The following NUDCD3 variants were observed in gnomAD, a reference collection of about 807,000 sequenced individuals.
The protein encoded by NUDCD3 is nudC domain-containing protein 3.
NUDCD3 carries 13 observed loss-of-function variants against 39.7 expected under a neutral mutation model. The observed-to-expected ratio is 0.33, with a 90% CI of 0.21 to 0.52. The LOEUF (loss-of-function observed/expected upper bound fraction) is 0.52, where lower values mean the gene tolerates loss of function less well. NUDCD3 is among the 20% of genes least tolerant of loss of function. The probability of loss-of-function intolerance (pLI) is 0.96; values close to 1 mark genes in which losing one functional copy is unlikely to be tolerated. For synonymous variants in NUDCD3, 175 were observed against 172.4 expected, an observed-to-expected ratio of 1.02 and a Z score of -0.12; for missense variants, 453 against 458.1, an observed-to-expected ratio of 0.99 and a Z score of 0.10.
At position 44,490,494 on chromosome 7, in the gene NUDCD3, C is replaced by T. The variant is rs1292351262; in HGVS notation, c.107G>A (p.Arg36His). The T allele has an allele frequency of 2.5e-6, 4 of 1,609,258 alleles. No homozygotes were observed. The African/African-American group carries it at 4.0e-5, about 16-fold the overall frequency. ...CAGCAAGCGATAGAAGTCTGTCTTG[C>T]GGTAGAGGAAGCCAAAGAGAACGCG... ...FLRVLFGFLY[R>H]KTDFYRLLRH... is the part of the protein sequence containing the mutation. The change falls in exon 1 of 6, where the codon CGC becomes CAC. Residue 36 changes from arginine (R) to histidine (H), a missense_variant. Arg to His is a conservative substitution (Grantham distance 29). Coordinates refer to ENST00000355451, the MANE Select transcript of NUDCD3 (RefSeq NM_015332.4).
chr7:44,467,811 C>A (rs1335934098), intron 2 of NUDCD3: 4 of 934,224 alleles, frequency 4.3e-6, no homozygotes, highest in East Asian at 2.4e-5. Context: ...AAAACTAAGA[C>A]CTCAGTAAAA....
chr7:44,462,737 T>G (rs1800040377), intron 2 of NUDCD3, among the ~76,000 whole-genome samples: 1 of 152,218 alleles, frequency 6.6e-6, no homozygotes, highest in South Asian at 2.1e-4. Flanking sequence ...CAGAAGCTGT[T>G]TAACATTCTT....
chr7:44,485,624 T>G (rs1800594280), intron 1 of NUDCD3: 1 of 190,930 alleles, frequency 5.2e-6, no homozygotes, highest in Non-Finnish European at 1.1e-5. Flanking sequence ...CTGGTACAAC[T>G]GTGGGTTATA....
At chr7:44,450,080 C>T (rs1457900736) in intron 2 of NUDCD3, among the ~76,000 whole-genome samples, 1 of 152,030 alleles carries the variant, frequency 6.6e-6, no homozygotes, top group East Asian at 1.9e-4. Flanking sequence ...TCCACTGACA[C>T]TTCATCAAAG....
chr7:44,475,327 G>A (rs1331212023), intron 2 of NUDCD3, among the ~76,000 whole-genome samples: 2 of 151,976 alleles, frequency 1.3e-5, no homozygotes, highest in Non-Finnish European at 2.9e-5. Context: ...GGCCAGGCTG[G>A]TCTACATCAC....
At chr7:44,413,783 T>C in intron 3 of NUDCD3, among the ~76,000 whole-genome samples, 1 of 152,150 alleles carries the variant, frequency 6.6e-6, no homozygotes, top group Non-Finnish European at 1.5e-5. Context: ...CCGGGTGTGG[T>C]GGCTCACGCC....
At chr7:44,394,757 C>T (rs12155487) in intron 4 of NUDCD3, among the ~76,000 whole-genome samples, 2,203 of 152,326 alleles carry the variant, frequency 0.014, 31 homozygotes, top group Non-Finnish European at 0.022. Flanking sequence ...GGGCTGACAG[C>T]CCACCATCAG....
intron 1 of NUDCD3, among the ~76,000 whole-genome samples, chr7:44,487,768 C>T (rs754079223): frequency 6.6e-5 from 10 of 151,228 alleles, no homozygotes; most frequent in East Asian, 2.0e-4. Context: ...CTGGCCAACA[C>T]GGTGAAACCC....
At chr7:44,426,059 C>T in intron 3 of NUDCD3, 2 of 894,684 alleles carry the variant, frequency 2.2e-6, no homozygotes, top group Non-Finnish European at 2.7e-6. Context: ...AGCCCCACAG[C>T]ACACAGGCCT....
At chr7:44,389,803 G>A (rs1198929525) in intron 5 of NUDCD3, among the ~76,000 whole-genome samples, 4 of 152,056 alleles carry the variant, frequency 2.6e-5, no homozygotes, top group African/African-American at 4.8e-5. Context: ...TCAAGGAGAG[G>A]GGAGGATGTA....
chr7:44,402,768 C>CTGCCA (rs1259389932), intron 4 of NUDCD3: 1 of 448,900 alleles, frequency 2.2e-6, no homozygotes, highest in Admixed American at 2.4e-5. Context: ...CTATCACGAC[C>CTGCCA]TCTCAGTCCA....
At chr7:44,397,237 C>T (rs1798641489) in intron 4 of NUDCD3, among the ~76,000 whole-genome samples, 1 of 152,240 alleles carries the variant, frequency 6.6e-6, no homozygotes, top group Non-Finnish European at 1.5e-5. Context: ...CTCAGCCACA[C>T]TGTGCTTCAT....
chr7:44,404,506 C>T lies in NUDCD3; in HGVS notation c.720G>A (p.Gly240=). 6.2e-7 allele frequency: 1 copy of T among 1,611,956 alleles called. No individual in the cohort carries two copies. Among genetic ancestry groups the T allele is most frequent in the Non-Finnish European group, 8.5e-7 (1 of 1,179,136 alleles). The part of the protein sequence containing the change: ...EENGERVLME[G]KLTHKINTES... ...CAGTGTTGATCTTGTGGGTGAGCTT[C>T]CCTTCCATGAGGACGCGCTCCCCAT... is the stretch of plus-strand genomic sequence containing the variant. Residue 240 remains glycine (G), a synonymous_variant, in exon 4 of 6, where the codon GGG becomes GGA. Transcript: ENST00000355451.
At chr7:44,416,013 A>ATT (rs1799014284) in intron 3 of NUDCD3, among the ~76,000 whole-genome samples, 1 of 152,188 alleles carries the variant, frequency 6.6e-6, no homozygotes, top group African/African-American at 2.4e-5. Context: ...CTTTTTCCAA[A>ATT]GTTTTAAGTG....
chr7:44,438,690 A>G (rs1372871118), intron 2 of NUDCD3, among the ~76,000 whole-genome samples: 1 of 151,926 alleles, frequency 6.6e-6, no homozygotes, highest in Non-Finnish European at 1.5e-5. Context: ...TTCTATACAC[A>G]GCTGGAGGAT....
At chr7:44,431,458 C>A (rs1206659046) in intron 2 of NUDCD3, among the ~76,000 whole-genome samples, 2 of 152,260 alleles carry the variant, frequency 1.3e-5, no homozygotes, top group African/African-American at 2.4e-5. Context: ...CAGGCCTAGG[C>A]GCTCCTGAGT....
chr7:44,473,019 T>G (rs1800287047), intron 2 of NUDCD3, among the ~76,000 whole-genome samples: 1 of 152,180 alleles, frequency 6.6e-6, no homozygotes, highest in South Asian at 2.1e-4. Context: ...CTTAAACGCA[T>G]ATTCACTGCA....
Position 44,404,547 on chromosome 7 carries a change from C to T in NUDCD3, c.679G>A (p.Ala227Thr). The change falls in exon 4 of 6, where the codon GCC (alanine) becomes ACC (threonine). Residue 227 changes from alanine to threonine, a missense_variant. Ala to Thr is a moderately conservative substitution (Grantham distance 58, BLOSUM62 0). Coordinates refer to ENST00000355451, the MANE Select transcript of NUDCD3 (RefSeq NM_015332.4). Reference protein sequence around the residue: ...VALSSSSIRVAMLEENGERVL... With the variant: ...VALSSSSIRVTMLEENGERVL... The stretch of plus-strand genomic sequence containing the variant: ...CGCTCCCCATTTTCCTCCAGCATGG[C>T]CACACGAATGGAGCTGCTGCTAAGG... The T allele has an allele frequency of 1.2e-6, 2 of 1,614,072 alleles. No homozygotes were observed. The highest frequency in any genetic ancestry group is 8.5e-7 in the Non-Finnish European group (1 of 1,180,004).
At chr7:44,469,112 A>C (rs1408125052) in intron 2 of NUDCD3, among the ~76,000 whole-genome samples, 1 of 142,922 alleles carries the variant, frequency 7.0e-6, no homozygotes, top group Non-Finnish European at 1.5e-5. Context: ...CAAACAAACA[A>C]ACCAAAAAAA....
Sources: gnomAD v4.1 joint callset for allele counts (sites outside exome capture counted in the v4.1 genomes callset) on GRCh38, gnomAD v4.1.1 for gene constraint, MANE v1.5 for transcripts, NCBI Gene and HGNC (gene_info 2026-07-23, HGNC 2026-07-21) for gene names.